The following KLHDC10 variants were observed in gnomAD, a reference collection of about 807,000 sequenced individuals.
KLHDC10 encodes kelch domain containing 10.
KLHDC10 carries 24 observed loss-of-function variants against 56.1 expected under a neutral mutation model. The observed-to-expected ratio is 0.43, with a 90% CI of 0.31 to 0.60. The LOEUF is 0.60. Among genes scored for constraint, KLHDC10 ranks in the 20% least tolerant of loss-of-function variants. KLHDC10 has a pLI of 0.11. For missense variants in KLHDC10, 349 were observed against 567.0 expected (o/e 0.62, Z 3.91); for synonymous variants, 188 against 207.1 (o/e 0.91, Z 0.79).
intron 1 of KLHDC10, among the ~76,000 whole-genome samples, chr7:130,077,353 CAAAAAAAAA>C (rs35132418): frequency 5.0e-4 from 9 of 17,898 alleles, no homozygotes; most frequent in African/African-American, 1.8e-3. Context: ...GACTCTGTCT[CAAAAAAAAA>C]AAAAAAAAAA....
chr7:130,080,642 C>T (rs1439268250), intron 1 of KLHDC10, among the ~76,000 whole-genome samples: 2 of 152,002 alleles, frequency 1.3e-5, no homozygotes, highest in Non-Finnish European at 2.9e-5. Flanking sequence ...AGCAATCCTC[C>T]CACCTCGGCC....
chr7:130,119,508 C>T (rs1185826993), intron 3 of KLHDC10, among the ~76,000 whole-genome samples: 2 of 140,468 alleles, frequency 1.4e-5, no homozygotes, highest in African/African-American at 5.4e-5. Context: ...CGAGACCCTG[C>T]CTTTCAAACA....
rs190256008 is a variant in KLHDC10 at position 130,103,631 on chromosome 7, T to A, written c.253+6624T>A. Among the ~76,000 whole-genome samples the A allele has an allele frequency of 1.1e-4, 17 of 152,260 alleles. No homozygotes were observed. In the East Asian group the frequency reaches 3.3e-3, roughly 29 times the overall value. On this transcript the variant is annotated intron_variant, in intron 2 of 9. Coordinates refer to ENST00000335420, the MANE Select transcript of KLHDC10 (RefSeq NM_014997.4). ...TGGATTTCTCACCTGCAGCATGGTT[T>A]GCTACAAGATAAATGCCTTCAGTGT...
In KLHDC10 at chr7:130,129,568, G is replaced by C; in HGVS notation, c.1111G>C (p.Val371Leu). 1 of 1,612,618 alleles carries C rather than the reference G, an allele frequency of 6.2e-7. No homozygotes were observed. The highest frequency in any genetic ancestry group is 2.2e-5 in the East Asian group (1 of 44,872). ...PEPVYFHCAA[V>L]TPAGCMYIHG... ...GCCAGTTTATTTTCACTGTGCAGCT[G>C]TTACACCAGTAAGTTTTTATTTTCA... is the stretch of plus-strand genomic sequence containing the variant. The change falls in exon 9 of 10, where the codon GTT becomes CTT. Residue 371 changes from valine to leucine, a missense_variant. Val to Leu is a conservative substitution (Grantham distance 32). Coordinates refer to ENST00000335420, the MANE Select transcript of KLHDC10 (RefSeq NM_014997.4).
intron 1 of KLHDC10, among the ~76,000 whole-genome samples, chr7:130,077,340 C>T (rs1326517107): frequency 1.6e-5 from 1 of 63,612 alleles, no homozygotes; most frequent in Non-Finnish European, 2.7e-5. Flanking sequence ...GGTGACTGAA[C>T]AAGACTCTGT....
intron 1 of KLHDC10, among the ~76,000 whole-genome samples, chr7:130,072,384 T>C (rs577943328): frequency 2.0e-5 from 3 of 152,066 alleles, no homozygotes; most frequent in Non-Finnish European, 4.4e-5. Context: ...TGTAGAGCTA[T>C]TTCTGCATTC....
intron 1 of KLHDC10, among the ~76,000 whole-genome samples, chr7:130,076,851 A>G (rs1311527187): frequency 6.6e-6 from 1 of 152,074 alleles, no homozygotes; most frequent in Non-Finnish European, 1.5e-5. Context: ...CTTGGTTATC[A>G]TCTTCCCTCA....
intron 3 of KLHDC10, among the ~76,000 whole-genome samples, chr7:130,119,207 CAA>C (rs34509008): frequency 0.19 from 23,403 of 123,092 alleles, 2,184 homozygotes; most frequent in East Asian, 0.4. Flanking sequence ...GACTCCAACT[CAA>C]AAAAAAAAAA....
intron 2 of KLHDC10, among the ~76,000 whole-genome samples, chr7:130,112,120 T>C (rs1189035679): frequency 6.6e-6 from 1 of 152,262 alleles, no homozygotes; most frequent in African/African-American, 2.4e-5. Flanking sequence ...GAAATTCTCA[T>C]ACATTTGTAT....
chr7:130,097,088 G>A (rs1795860171), intron 2 of KLHDC10, 81 bp downstream of exon 2: 1 of 980,370 alleles, frequency 1.0e-6, no homozygotes, highest in Non-Finnish European at 1.5e-6. Context: ...TCAAAACTCT[G>A]GTTTTTAAAA....
intron 3 of KLHDC10, among the ~76,000 whole-genome samples, chr7:130,119,985 G>A (rs935784628): frequency 1.3e-5 from 2 of 152,092 alleles, no homozygotes; most frequent in African/African-American, 4.8e-5. Flanking sequence ...AGGAACAAAA[G>A]AGCTACAGGA....
At chr7:130,098,121 A>AT in intron 2 of KLHDC10, among the ~76,000 whole-genome samples, 1 of 152,196 alleles carries the variant, frequency 6.6e-6, no homozygotes, top group East Asian at 1.9e-4. Flanking sequence ...CAGAGCATGC[A>AT]TAAAATCAAC....
intron 1 of KLHDC10, among the ~76,000 whole-genome samples, chr7:130,074,864 C>T (rs978291627): frequency 6.6e-6 from 1 of 152,120 alleles, no homozygotes; most frequent in Admixed American, 6.6e-5. Context: ...CCACCTTGGC[C>T]TCCTAAAGTG....
chr7:130,074,786 T>A (rs1024556610), intron 1 of KLHDC10, among the ~76,000 whole-genome samples: 3 of 152,118 alleles, frequency 2.0e-5, no homozygotes, highest in Admixed American at 2.0e-4. Flanking sequence ...ACTTTTTGTA[T>A]TTTTAGTAGA....
intron 2 of KLHDC10, among the ~76,000 whole-genome samples, chr7:130,106,469 A>G (rs1245134603): frequency 6.6e-6 from 1 of 152,228 alleles, no homozygotes; most frequent in Non-Finnish European, 1.5e-5. Context: ...AATACATAAG[A>G]TTGCAGGGAC....
intron 6 of KLHDC10, among the ~76,000 whole-genome samples, chr7:130,125,403 C>T (rs988760853): frequency 2.0e-5 from 3 of 151,908 alleles, no homozygotes; most frequent in Admixed American, 6.6e-5. Context: ...ATTAGCTGGG[C>T]GTGTTGGCGG....
chr7:130,080,999 CTTTTTTT>C (rs966845024), intron 1 of KLHDC10, among the ~76,000 whole-genome samples: 4 of 131,934 alleles, frequency 3.0e-5, no homozygotes, highest in African/African-American at 1.2e-4. Flanking sequence ...TTTCAGTTTT[CTTTTTTT>C]TTTTTTTTTT....
At position 130,108,572 on chromosome 7, in the gene KLHDC10, A is replaced by AAAAAAAAAAT. The variant is rs1405437913; in HGVS notation, c.254-7872_254-7871insAAAAAAAATA. Among the ~76,000 whole-genome samples, 546 of 144,048 alleles carry AAAAAAAAAAT rather than the reference A, an allele frequency of 3.8e-3. 10 individuals are homozygous for AAAAAAAAAAT. Among genetic ancestry groups the AAAAAAAAAAT allele is most frequent in the African/African-American group, 0.013 (498 of 38,202 alleles). 94.5% of individuals were successfully genotyped at this position (144,048 alleles called of 152,430 possible). A position where few individuals can be genotyped will look rare whatever the true frequency, so the allele number is the denominator to read the frequency against. ...CCAAATATCCAAAAAAAAAAAAAAA[A>AAAAAAAAAAT]AGCTGGGCGTGGTGGTGCGCGCCTG... On this transcript the variant is annotated intron_variant, in intron 2 of 9. Coordinates refer to ENST00000335420, the MANE Select transcript of KLHDC10 (RefSeq NM_014997.4).
intron 1 of KLHDC10, among the ~76,000 whole-genome samples, chr7:130,091,419 C>T (rs1335624437): frequency 1.3e-5 from 2 of 152,188 alleles, no homozygotes; most frequent in East Asian, 1.9e-4. Flanking sequence ...TCAGAACTGA[C>T]TTCTTACATG....
Sources: gnomAD v4.1 joint callset for allele counts (sites outside exome capture counted in the v4.1 genomes callset) on GRCh38, gnomAD v4.1.1 for gene constraint, MANE v1.5 for transcripts, NCBI Gene and HGNC (gene_info 2026-07-23, HGNC 2026-07-21) for gene names.